Variants in PACRG observed in about 807,000 individuals in gnomAD.
PACRG encodes the protein parkin coregulated, also known as parkin coregulated gene protein.
Under a neutral mutation model 29.7 loss-of-function variants are expected in PACRG, and 29 were observed. The observed-to-expected ratio is 0.98, with a 90% CI of 0.73 to 1.33. The LOEUF (loss-of-function observed/expected upper bound fraction) is 1.33, where lower values mean the gene tolerates loss of function less well. PACRG is among the 40% of genes most tolerant of loss of function. PACRG has a pLI of 0.00. For missense variants in PACRG, 279 were observed against 316.2 expected, an observed-to-expected ratio of 0.88 and a Z score of 0.89; for synonymous variants, 116 against 118.7, an observed-to-expected ratio of 0.98 and a Z score of 0.15.
At position 162,777,196 on chromosome 6, in the gene PACRG, G is replaced by C. The variant is rs1196657768; in HGVS notation, c.157-36951G>C. The stretch of plus-strand genomic sequence containing the variant: ...TCTCTCTTCAGGGGCCTCTTCAAAA[G>C]TTCAGTATCAGACTCACTTGGCTCC... On this transcript the variant is annotated intron_variant, in intron 1 of 4. Transcript: ENST00000366888. This position sits in a 1 kb window ranked among gnomAD's most constrained non-coding sequence, Gnocchi z 4.0. Among the ~76,000 whole-genome samples the C allele has an allele frequency of 6.6e-6, 1 of 152,204 alleles. No individual in the cohort carries two copies. The highest frequency in any genetic ancestry group is 1.5e-5 in the Non-Finnish European group (1 of 68,022).
At chr6:162,818,769 A>G (rs920315444) in intron 2 of PACRG, among the ~76,000 whole-genome samples, 16 of 152,222 alleles carry the variant, frequency 1.1e-4, no homozygotes, top group African/African-American at 3.9e-4. Context: ...GTGACAGAAT[A>G]TGACATGCAC....
chr6:162,808,308 T>G (rs1479977727), intron 1 of PACRG, among the ~76,000 whole-genome samples: 2 of 152,232 alleles, frequency 1.3e-5, no homozygotes, highest in African/African-American at 4.8e-5. Flanking sequence ...GAATTTCAGA[T>G]TGAACCTGAT....
intron 2 of PACRG, among the ~76,000 whole-genome samples, chr6:162,956,464 G>C (rs1458501463): frequency 6.6e-6 from 1 of 152,088 alleles, no homozygotes; most frequent in African/African-American, 2.4e-5. Flanking sequence ...TGTTTCCCAG[G>C]GCTGCTGTGA....
At chr6:162,852,005 G>GAGGAAGGAAAGGAAGGAAGGAAGGA (rs1554291944) in intron 2 of PACRG, among the ~76,000 whole-genome samples, 2 of 116,032 alleles carry the variant, frequency 1.7e-5, no homozygotes, top group African/African-American at 6.8e-5. Context: ...GGGAGGGAGG[G>GAGGAAGGAAAGGAAGGAAGGAAGGA]AGGAAGGAAG....
chr6:163,280,464 A>C (rs1206088044), intron 4 of PACRG, among the ~76,000 whole-genome samples: 1 of 152,280 alleles, frequency 6.6e-6, no homozygotes, highest in Non-Finnish European at 1.5e-5. Flanking sequence ...AACAAAGGCA[A>C]ATGTTCAATG....
At chr6:162,759,573 C>T (rs886750176) in intron 1 of PACRG, among the ~76,000 whole-genome samples, 1 of 152,144 alleles carries the variant, frequency 6.6e-6, no homozygotes, top group Non-Finnish European at 1.5e-5. Context: ...AGGAATTATT[C>T]TCCCAGCTTT....
intron 4 of PACRG, among the ~76,000 whole-genome samples, chr6:163,267,202 AC>A (rs1783562261): frequency 6.6e-6 from 1 of 152,164 alleles, no homozygotes; most frequent in African/African-American, 2.4e-5. Flanking sequence ...TCATCCTGGG[AC>A]CACAAATGAC....
chr6:163,098,812 C>T lies in PACRG; in HGVS notation c.613+9404C>T, dbSNP rs138843298. Among the ~76,000 whole-genome samples the T allele has an allele frequency of 4.9e-3, 753 of 152,310 alleles. 5 individuals are homozygous for T. The highest frequency in any genetic ancestry group is 0.017 in the African/African-American group (724 of 41,574). On this transcript the variant is annotated intron_variant, in intron 4 of 4. Transcript: ENST00000366888. ...TATTTCTTGAAGATATGCTAAACAA[C>T]GGGCGGATTATTCATATCTCCCCTT...
chr6:163,006,588 T>C (rs983496280), intron 2 of PACRG, among the ~76,000 whole-genome samples: 6 of 151,910 alleles, frequency 3.9e-5, no homozygotes, highest in Non-Finnish European at 5.9e-5. Context: ...TTTGCAATTC[T>C]ATTAGTTTTT....
Position 162,895,271 on chromosome 6 carries a change from C to CAAAA in PACRG, c.291+81007_291+81010dup, listed in dbSNP as rs35275122. On this transcript the variant is annotated intron_variant, in intron 2 of 4. Coordinates refer to ENST00000366888, the MANE Select transcript of PACRG (RefSeq NM_001080379.2). Reference sequence around the variant, plus strand: ...GGTGACAGAGTGAGACCCTCTCTCTCAAAAAAAAAAAAAAAAAAAATACAA... The same window carrying CAAAA: ...GGTGACAGAGTGAGACCCTCTCTCTCAAAAAAAAAAAAAAAAAAAAAAAATACAA... 3.7e-3 allele frequency among the ~76,000 whole-genome samples: 350 copies of CAAAA among 93,422 alleles called. 3 individuals are homozygous for CAAAA. Among genetic ancestry groups the CAAAA allele is most frequent in the African/African-American group, 0.012 (309 of 25,540 alleles). 61.3% of individuals were successfully genotyped at this position (93,422 alleles called of 152,430 possible).
chr6:163,164,004 A>C (rs150452942), intron 4 of PACRG, among the ~76,000 whole-genome samples: 2 of 152,332 alleles, frequency 1.3e-5, no homozygotes, highest in East Asian at 3.9e-4. Context: ...GAAATTGATT[A>C]AAATAGACAT....
intron 1 of PACRG, among the ~76,000 whole-genome samples, chr6:162,740,690 C>A (rs1336152116): frequency 6.6e-6 from 1 of 151,158 alleles, no homozygotes; most frequent in African/African-American, 2.4e-5. Flanking sequence ...ACCTCTGCCC[C>A]CTGGGTTCAA....
chr6:163,017,485 C>T (rs1347116012), intron 2 of PACRG, among the ~76,000 whole-genome samples: 1 of 152,042 alleles, frequency 6.6e-6, no homozygotes, highest in Non-Finnish European at 1.5e-5. Flanking sequence ...TTGTTATTAA[C>T]AGGAGCTTAA....
At chr6:163,237,567 T>C (rs1430295166) in intron 4 of PACRG, among the ~76,000 whole-genome samples, 1 of 152,210 alleles carries the variant, frequency 6.6e-6, no homozygotes, top group Non-Finnish European at 1.5e-5. Context: ...TTATTCAAAA[T>C]ATAATAATGT....
At chr6:162,968,781 G>T (rs192741029) in intron 2 of PACRG, among the ~76,000 whole-genome samples, 1 of 152,146 alleles carries the variant, frequency 6.6e-6, no homozygotes, top group East Asian at 1.9e-4. Flanking sequence ...GGGCGCGGTG[G>T]GTCACGCCTG....
At chr6:162,826,747 G>A (rs1370569646) in intron 2 of PACRG, among the ~76,000 whole-genome samples, 11 of 152,154 alleles carry the variant, frequency 7.2e-5, no homozygotes, top group Non-Finnish European at 1.0e-4. Flanking sequence ...AGCGACGTGA[G>A]CCACCGCACC....
Position 162,837,786 on chromosome 6 carries a change from G to C in PACRG, c.291+23505G>C, listed in dbSNP as rs577370608. Reference sequence around the variant, plus strand: ...TCAGCACATGTTTTAAAAACTAGAGGGGCCTCACACAACAGCAAGGAAAGG... The same window carrying C: ...TCAGCACATGTTTTAAAAACTAGAGCGGCCTCACACAACAGCAAGGAAAGG... On this transcript the variant is annotated intron_variant, in intron 2 of 4. Transcript: ENST00000366888. 1.3e-3 allele frequency among the ~76,000 whole-genome samples: 203 copies of C among 152,188 alleles called. 3 individuals carry two copies. The highest frequency in any genetic ancestry group is 4.7e-3 in the African/African-American group (197 of 41,546).
chr6:163,088,297 G>A (rs1034059072), intron 3 of PACRG, among the ~76,000 whole-genome samples: 1 of 152,120 alleles, frequency 6.6e-6, no homozygotes, highest in East Asian at 1.9e-4. Context: ...ACAAATAAGA[G>A]CCTTTGACTT....
chr6:163,106,297 A>ATAG (rs1815378124), intron 4 of PACRG, among the ~76,000 whole-genome samples: 1 of 152,220 alleles, frequency 6.6e-6, no homozygotes, highest in Non-Finnish European at 1.5e-5. Context: ...TGGGGTATTT[A>ATAG]ATTACACTGT....
Sources: allele counts gnomAD v4.1 joint callset (sites outside exome capture counted in the v4.1 genomes callset), GRCh38; gene constraint gnomAD v4.1.1; non-coding constraint Gnocchi (gnomAD v3.1); transcripts MANE v1.5; gene names NCBI Gene and HGNC (gene_info 2026-07-23, HGNC 2026-07-21).